Variants in TRPM8 observed in about 807,000 individuals in gnomAD.
TRPM8 encodes TRPM8 cationic channel.
A neutral mutation model predicts 133.7 loss-of-function variants in TRPM8; 110 were observed. The observed-to-expected ratio is 0.82, with a 90% confidence interval of 0.70 to 0.96. The LOEUF is 0.96. Among genes scored for constraint, TRPM8 ranks in the 40% least tolerant of loss-of-function variants. The probability of loss-of-function intolerance (pLI) is 0.00; values close to 1 mark genes in which losing one functional copy is unlikely to be tolerated. For missense variants in TRPM8, 1,291 were observed against 1,379.5 expected (o/e 0.94, Z 1.02); for synonymous variants, 535 against 532.3 (o/e 1.01, Z -0.07).
At chr2:233,999,751 C>T (rs370987595) in intron 22 of TRPM8, among the ~76,000 whole-genome samples, 19 of 152,342 alleles carry the variant, frequency 1.2e-4, no homozygotes, top group Non-Finnish European at 2.4e-4. Context: ...TTGGATAGTT[C>T]GAGCAGTCCC....
intron 7 of TRPM8, 116 bp downstream of exon 7, chr2:233,946,146 T>C: frequency 1.0e-6 from 1 of 995,854 alleles, no homozygotes; most frequent in South Asian, 1.7e-5. Flanking sequence ...TGATCAGGTA[T>C]TTTTATTGCC....
chr2:234,010,642 C>T (rs937405317), intron 24 of TRPM8, among the ~76,000 whole-genome samples: 4 of 152,194 alleles, frequency 2.6e-5, no homozygotes, highest in Non-Finnish European at 4.4e-5. Flanking sequence ...CTTGCCAACA[C>T]TTATCATCTG....
intron 3 of TRPM8, among the ~76,000 whole-genome samples, chr2:233,937,000 C>G (rs1009385974): frequency 6.7e-6 from 1 of 148,534 alleles, no homozygotes; most frequent in African/African-American, 2.5e-5. Flanking sequence ...GGGTTCAGGC[C>G]ATTCTCTTGC....
intron 22 of TRPM8, among the ~76,000 whole-genome samples, chr2:234,000,086 G>GATTGATTT (rs10659716): frequency 3.7e-4 from 53 of 144,264 alleles, no homozygotes; most frequent in African/African-American, 7.7e-4. Flanking sequence ...CAATGTGGAT[G>GATTGATTT]ATTTATTTAT....
Position 234,017,924 on chromosome 2 carries a change from G to A in TRPM8, c.*668G>A, listed in dbSNP as rs929271860. On this transcript the variant is annotated 3_prime_UTR_variant, in exon 26 of 26. Transcript: ENST00000324695. Reference sequence around the variant, plus strand: ...ACCCCCATTCCTAAATATGTGAAAAGTCGCCCAAAATGCAACCTTGAAAGG... The same window carrying A: ...ACCCCCATTCCTAAATATGTGAAAAATCGCCCAAAATGCAACCTTGAAAGG... 2 of 152,152 alleles carry A rather than the reference G, an allele frequency of 1.3e-5. No homozygotes were observed. The highest frequency in any genetic ancestry group is 4.8e-5 in the African/African-American group (2 of 41,432). The allele number at this position is 152,152 out of a possible 1,614,324, so 9.4% of individuals were successfully genotyped here.
intron 22 of TRPM8, among the ~76,000 whole-genome samples, chr2:233,998,895 G>A (rs956851476): frequency 6.6e-6 from 1 of 152,146 alleles, no homozygotes; most frequent in East Asian, 1.9e-4. Context: ...TTGGTTTCAG[G>A]GACTGCTGAT....
At position 233,961,635 on chromosome 2, in the gene TRPM8, T is replaced by C. The variant is rs866032057; in HGVS notation, c.1653+569T>C. Among the ~76,000 whole-genome samples the C allele has an allele frequency of 1.3e-4, 17 of 133,098 alleles. No homozygotes were observed. The South Asian group carries it at 1.8e-3, about 14-fold the overall frequency. The allele number at this position is 133,098 out of a possible 152,430, so 87.3% of individuals were successfully genotyped here. ...TTCTTCTTTTCTTTTCTTTTCTTTTTTTTTTTTTTTTTGAGACAGAGTCCC... is the reference window on the plus strand; with the variant it reads ...TTCTTCTTTTCTTTTCTTTTCTTTTCTTTTTTTTTTTTGAGACAGAGTCCC... On this transcript the variant is annotated intron_variant, in intron 12 of 25. Coordinates refer to ENST00000324695, the MANE Select transcript of TRPM8 (RefSeq NM_024080.5).
intron 3 of TRPM8, 167 bp from the exon 4 acceptor site, chr2:233,937,186 G>C: frequency 1.3e-6 from 1 of 789,154 alleles, no homozygotes; most frequent in Non-Finnish European, 2.0e-6. Context: ...GTGAGCCACC[G>C]CACCCGTCCA....
intron 12 of TRPM8, among the ~76,000 whole-genome samples, chr2:233,962,017 C>T (rs1691451641): frequency 6.6e-6 from 1 of 152,216 alleles, no homozygotes; most frequent in African/African-American, 2.4e-5. Flanking sequence ...CTGCATGCTC[C>T]TGTCATAGTC....
chr2:233,999,720 A>G (rs900232077), intron 22 of TRPM8, among the ~76,000 whole-genome samples: 3 of 152,218 alleles, frequency 2.0e-5, no homozygotes, highest in Admixed American at 2.0e-4. Context: ...ACCTCTCATT[A>G]ACTCACCTAC....
At chr2:233,997,917 C>T (rs576777534) in intron 22 of TRPM8, among the ~76,000 whole-genome samples, 12 of 152,318 alleles carry the variant, frequency 7.9e-5, no homozygotes, top group African/African-American at 2.9e-4. Context: ...GCATCCAGCT[C>T]TCTTCCTGGC....
intron 18 of TRPM8, among the ~76,000 whole-genome samples, chr2:233,981,224 C>G (rs570370459): frequency 6.6e-6 from 1 of 152,178 alleles, no homozygotes; most frequent in East Asian, 1.9e-4. Flanking sequence ...AGATAGCCTC[C>G]CTTTCTGGTT....
intron 14 of TRPM8, 85 bp downstream of exon 14, chr2:233,964,842 G>T: frequency 7.2e-7 from 1 of 1,395,274 alleles, no homozygotes; most frequent in Non-Finnish European, 9.6e-7. Flanking sequence ...AGACCAGATG[G>T]TGGAGGTCCG....
At position 233,983,866 on chromosome 2, in the gene TRPM8, T is replaced by C. The variant is rs185779930; in HGVS notation, c.2761+642T>C. 1.4e-4 allele frequency among the ~76,000 whole-genome samples: 21 copies of C among 152,294 alleles called. No individual in the cohort carries two copies. In the East Asian group the frequency reaches 4.1e-3, roughly 29 times the overall value. Reference sequence around the variant, plus strand: ...GTTTCCCTGAGCCAGAGCCTGCTCCTCCTGGTCACAGTTCTTTGTTCCTGT... The same window carrying C: ...GTTTCCCTGAGCCAGAGCCTGCTCCCCCTGGTCACAGTTCTTTGTTCCTGT... On this transcript the variant is annotated intron_variant, in intron 20 of 25. Coordinates refer to ENST00000324695, the MANE Select transcript of TRPM8 (RefSeq NM_024080.5).
Position 233,949,939 on chromosome 2 carries a change from C to T in TRPM8, c.943-10C>T. 1 of 1,613,748 alleles carries T rather than the reference C, an allele frequency of 6.2e-7. No individual in the cohort carries two copies. Among genetic ancestry groups the T allele is most frequent in the Non-Finnish European group, 8.5e-7 (1 of 1,179,870 alleles). On this transcript the variant is annotated splice_polypyrimidine_tract_variant and intron_variant, in intron 8 of 25. Transcript: ENST00000324695. ...TCTCTGATCTGTCTGACTCTGTCTCCTTCCTCCAGGCCATCAATACCTCCA... is the reference window on the plus strand; with the variant it reads ...TCTCTGATCTGTCTGACTCTGTCTCTTTCCTCCAGGCCATCAATACCTCCA...
chr2:234,016,259 A>G (rs1426303816), intron 25 of TRPM8, among the ~76,000 whole-genome samples: 1 of 152,206 alleles, frequency 6.6e-6, no homozygotes, highest in Non-Finnish European at 1.5e-5. Context: ...AAAAGAGCCC[A>G]TGAGAAAACA....
intron 7 of TRPM8, 119 bp from the exon 8 acceptor site, chr2:233,946,969 T>C (rs1004081331): frequency 1.2e-6 from 1 of 810,822 alleles, no homozygotes. Context: ...CCGTGAGATG[T>C]GAAGCTATCT....
chr2:233,921,691 T>TC (rs1691415515), intron 1 of TRPM8, among the ~76,000 whole-genome samples: 1 of 147,438 alleles, frequency 6.8e-6, no homozygotes, highest in Admixed American at 6.7e-5. Context: ...TTTTTTTTTT[T>TC]TTTGAGATGG....
chr2:233,987,697 C>A (rs1487636651), intron 21 of TRPM8, among the ~76,000 whole-genome samples: 1 of 152,228 alleles, frequency 6.6e-6, no homozygotes, highest in African/African-American at 2.4e-5. Flanking sequence ...CCACCCAAAT[C>A]TCATCTTGAA....
Sources: allele counts gnomAD v4.1 joint callset (sites outside exome capture counted in the v4.1 genomes callset), GRCh38; gene constraint gnomAD v4.1.1; transcripts MANE v1.5; gene names NCBI Gene and HGNC (gene_info 2026-07-23, HGNC 2026-07-21).